ASTN1: variants seen among roughly 807,000 people sequenced by gnomAD.
ASTN1 encodes the protein astrotactin-1.
ASTN1 carries 41 observed loss-of-function variants against 140.7 expected under a neutral mutation model. The observed-to-expected ratio is 0.29, with a 90% CI of 0.23 to 0.38. ASTN1 has a LOEUF of 0.38. ASTN1 is among the 10% of genes least tolerant of loss of function. The pLI, the probability that ASTN1 is intolerant of heterozygous loss-of-function variation, is 1.00. For synonymous variants in ASTN1, 640 were observed against 652.2 expected (o/e 0.98, Z 0.29); for missense variants, 1,479 against 1,678.8 (o/e 0.88, Z 2.08).
chr1:177,012,074 T>A (rs1464977048), intron 8 of ASTN1, among the ~76,000 whole-genome samples: 4 of 152,174 alleles, frequency 2.6e-5, no homozygotes, highest in African/African-American at 9.7e-5. Context: ...GCTGCTTACC[T>A]CCACTTCAGG....
In ASTN1 at chr1:177,164,516, C is replaced by T; in HGVS notation, c.161G>A (p.Ser54Asn). The T allele has an allele frequency of 3.7e-6, 6 of 1,613,984 alleles. No homozygotes were observed. Among genetic ancestry groups the T allele is most frequent in the East Asian group, 4.5e-5 (2 of 44,830 alleles). Residue 54 changes from serine (S) to asparagine (N), a missense_variant, in exon 1 of 23, where the codon AGC becomes AAC. Coordinates refer to ENST00000361833, the MANE Select transcript of ASTN1 (RefSeq NM_004319.3). ...CGAGGCCGAGGGGCTGTGCATGATG[C>T]TCAGGTCGTTCTCGCGCAGGAAGGG... ...ALPFLRENDL[S>N]IMHSPSASEP...
At chr1:176,893,167 C>A (rs986113646) in intron 17 of ASTN1, among the ~76,000 whole-genome samples, 3 of 152,186 alleles carry the variant, frequency 2.0e-5, no homozygotes, top group African/African-American at 7.2e-5. Context: ...TGGAGCTCTG[C>A]ACGCCCTGTT....
Position 176,894,604 on chromosome 1 carries a change from T to C in ASTN1, c.2898A>G (p.Ala966=). The C allele has an allele frequency of 6.2e-7, 1 of 1,614,102 alleles. No individual in the cohort carries two copies. The highest frequency in any genetic ancestry group is 8.5e-7 in the Non-Finnish European group (1 of 1,180,026). ...AEPVLLEVTK[A]APIYELVTNN... ...TGGTCACTAGTTCATAGATGGGGGC[T>C]GCTTTGGTCACCTCCAGCAGAACCG... is the stretch of plus-strand genomic sequence containing the variant. The change falls in exon 17 of 23, where the codon GCA becomes GCG. Residue 966 remains alanine (A), a synonymous_variant. Transcript: ENST00000361833.
intron 1 of ASTN1, among the ~76,000 whole-genome samples, chr1:177,148,836 G>A (rs551495216): frequency 1.3e-5 from 2 of 151,820 alleles, no homozygotes; most frequent in African/African-American, 2.4e-5. Context: ...GTGCAATGAA[G>A]CACACAGAAC....
chr1:177,128,731 G>A (rs1020023734), intron 1 of ASTN1, among the ~76,000 whole-genome samples: 1 of 152,298 alleles, frequency 6.6e-6, no homozygotes, highest in Admixed American at 6.5e-5. Context: ...TGGGGCAACT[G>A]AGGGAAAGAG....
intron 1 of ASTN1, among the ~76,000 whole-genome samples, chr1:177,086,281 A>AC (rs1558085206): frequency 5.0e-4 from 1 of 2,018 alleles, no homozygotes; most frequent in African/African-American, 4.6e-3. Context: ...TCATGAATCC[A>AC]TTTAAAAAAC....
At chr1:177,036,209 C>A (rs2101984819) in intron 2 of ASTN1, among the ~76,000 whole-genome samples, 1 of 151,940 alleles carries the variant, frequency 6.6e-6, no homozygotes, top group East Asian at 1.9e-4. Context: ...CACCACCACG[C>A]CCGGCTAATT....
chr1:177,121,065 C>A (rs1558110298), intron 1 of ASTN1, among the ~76,000 whole-genome samples: 2 of 148,748 alleles, frequency 1.3e-5, no homozygotes, highest in African/African-American at 5.2e-5. Flanking sequence ...TCTGTTGTTG[C>A]TATTGCTGCT....
At chr1:177,008,629 AAGG>A (rs764895160) in intron 8 of ASTN1, among the ~76,000 whole-genome samples, 1 of 151,220 alleles carries the variant, frequency 6.6e-6, no homozygotes, top group Non-Finnish European at 1.5e-5. Context: ...AGAGAAGAAG[AAGG>A]AGGAGGAGGA....
chr1:176,963,082 G>A (rs1270037870), intron 9 of ASTN1, among the ~76,000 whole-genome samples: 4 of 152,178 alleles, frequency 2.6e-5, no homozygotes. Context: ...TCAATTTATT[G>A]CAGATATTGG....
intron 2 of ASTN1, among the ~76,000 whole-genome samples, chr1:177,036,906 A>G (rs1676745113): frequency 6.6e-6 from 1 of 151,790 alleles, no homozygotes; most frequent in African/African-American, 2.4e-5. Flanking sequence ...TGCAACCTCC[A>G]TCTCCCATGT....
chr1:176,910,515 T>C (rs978451119), intron 16 of ASTN1, among the ~76,000 whole-genome samples: 17 of 152,224 alleles, frequency 1.1e-4, no homozygotes, highest in Admixed American at 6.5e-4. Flanking sequence ...ATTCAATGGA[T>C]GTAATATCTT....
At chr1:176,858,269 C>G (rs886712527), downstream of ASTN1, among the ~76,000 whole-genome samples, 3 of 152,324 alleles carry the variant, frequency 2.0e-5, no homozygotes, top group Admixed American at 2.0e-4. Context: ...AAGTCCTGGA[C>G]TCCCACATAT....
intron 1 of ASTN1, among the ~76,000 whole-genome samples, chr1:177,149,459 AAT>A (rs1441492517): frequency 1.8e-5 from 1 of 55,198 alleles, no homozygotes; most frequent in Admixed American, 3.0e-4. Flanking sequence ...ATATATAGTA[AAT>A]ATATATATAG....
intron 8 of ASTN1, among the ~76,000 whole-genome samples, chr1:176,978,691 A>T (rs2101876412): frequency 6.6e-6 from 1 of 152,270 alleles, no homozygotes; most frequent in African/African-American, 2.4e-5. Context: ...GCTGAGTGTT[A>T]TCTGTGAACG....
intron 1 of ASTN1, among the ~76,000 whole-genome samples, chr1:177,148,374 C>T (rs529036605): frequency 6.1e-4 from 92 of 150,414 alleles, no homozygotes; most frequent in Admixed American, 8.6e-4. Flanking sequence ...GCCGAGATCA[C>T]GCCACTGACC....
intron 12 of ASTN1, among the ~76,000 whole-genome samples, chr1:176,946,866 T>C (rs1671981330): frequency 6.6e-6 from 1 of 152,194 alleles, no homozygotes. Context: ...TGGACCTTAT[T>C]TGTAGTTATA....
intron 10 of ASTN1, 120 bp downstream of exon 10, chr1:176,958,225 G>T (rs1221776147): frequency 6.7e-7 from 1 of 1,484,864 alleles, no homozygotes; most frequent in African/African-American, 1.4e-5. Context: ...TTTGCAGGCT[G>T]CCTGCCAATT....
At chr1:176,888,377 GC>G (rs1006042938) in intron 17 of ASTN1, among the ~76,000 whole-genome samples, 173 bp from the exon 18 acceptor site, 47 of 152,174 alleles carry the variant, frequency 3.1e-4, no homozygotes, top group African/African-American at 1.1e-3. Context: ...TTTCTGGGAA[GC>G]CTGAGCCTCT....
Sources: gnomAD v4.1 joint callset for allele counts (sites outside exome capture counted in the v4.1 genomes callset) on GRCh38, gnomAD v4.1.1 for gene constraint, MANE v1.5 for transcripts, NCBI Gene and HGNC (gene_info 2026-07-23, HGNC 2026-07-21) for gene names.